Variants in LINGO2 observed in about 807,000 individuals in gnomAD.
LINGO2 encodes leucine-rich repeat and immunoglobulin-like domain-containing nogo receptor-interacting protein 2.
Under a neutral mutation model 30.6 loss-of-function variants are expected in LINGO2, and 14 were observed. That is an observed-to-expected ratio of 0.46 (90% CI 0.30 to 0.72). LINGO2 has a LOEUF of 0.72. Ranked by LOEUF, LINGO2 falls within the 30% of genes least tolerant of loss-of-function variation. The pLI is 0.07. For synonymous variants in LINGO2, 317 were observed against 288.5 expected, an observed-to-expected ratio of 1.10 and a Z score of -1.00; for missense variants, 729 against 751.7, an observed-to-expected ratio of 0.97 and a Z score of 0.35.
intron 5 of LINGO2, among the ~76,000 whole-genome samples, chr9:28,000,737 T>C (rs1013601599): frequency 6.6e-6 from 1 of 152,232 alleles, no homozygotes; most frequent in African/African-American, 2.4e-5. Flanking sequence ...AAGTTGACAA[T>C]AGTTTTTTAT....
chr9:28,778,020 T>C, the LINGO2 span, among the ~76,000 whole-genome samples: 1 of 152,164 alleles, frequency 6.6e-6, no homozygotes, highest in South Asian at 2.1e-4. Flanking sequence ...GCATAGTCCA[T>C]GTGGGTCTTT....
At chr9:28,593,298 A>T (rs1045438304) in intron 1 of LINGO2, among the ~76,000 whole-genome samples, 1 of 152,126 alleles carries the variant, frequency 6.6e-6, no homozygotes, top group African/African-American at 2.4e-5. Context: ...CATGCCATGC[A>T]CATAATTACT....
chr9:29,084,019 A>G, the LINGO2 span, among the ~76,000 whole-genome samples: 3 of 152,090 alleles, frequency 2.0e-5, no homozygotes, highest in Admixed American at 6.6e-5. Flanking sequence ...TTACTCTGGA[A>G]GAATTCAAAT....
rs1278774908 is a variant in LINGO2 at position 28,454,310 on chromosome 9, A to ACAG, written c.-279+21629_-279+21630insCTG. ...GCTAAAATTGTTTTTCAACTTTTGC[A>ACAG]CTTATTTTTAAGCTGTGTCTCTGTT... On this transcript the variant is annotated intron_variant, in intron 2 of 5. Coordinates refer to ENST00000379992, the Ensembl canonical transcript of LINGO2. 1.1e-4 allele frequency among the ~76,000 whole-genome samples: 16 copies of ACAG among 152,040 alleles called. No individual in the cohort carries two copies. In the East Asian group the frequency reaches 3.1e-3, roughly 29 times the overall value.
intron 1 of LINGO2, among the ~76,000 whole-genome samples, chr9:28,631,418 T>C (rs1018561574): frequency 2.6e-5 from 4 of 151,910 alleles, no homozygotes; most frequent in Non-Finnish European, 4.4e-5. Flanking sequence ...TGAATTAATT[T>C]TTGTATAAGG....
At chr9:28,045,495 G>C (rs1165824509) in intron 4 of LINGO2, among the ~76,000 whole-genome samples, 1 of 152,188 alleles carries the variant, frequency 6.6e-6, no homozygotes, top group Non-Finnish European at 1.5e-5. Context: ...CAGGGGAAAA[G>C]TAGAACTCAG....
chr9:29,182,029 T>C, the LINGO2 span, among the ~76,000 whole-genome samples: 2 of 151,980 alleles, frequency 1.3e-5, no homozygotes, highest in African/African-American at 4.8e-5. Flanking sequence ...GCCATGGGGG[T>C]GGCCCTGAGT....
At chr9:28,217,233 T>G (rs1490490189) in intron 4 of LINGO2, among the ~76,000 whole-genome samples, 2 of 151,600 alleles carry the variant, frequency 1.3e-5, no homozygotes, top group Non-Finnish European at 3.0e-5. Context: ...TTACAATACC[T>G]TACTTGGAAT....
At chr9:28,612,024 C>T (rs1184197062) in intron 1 of LINGO2, among the ~76,000 whole-genome samples, 1 of 151,836 alleles carries the variant, frequency 6.6e-6, no homozygotes, top group Non-Finnish European at 1.5e-5. Flanking sequence ...GTTCCTCGGC[C>T]TCCCAAAGTG....
At chr9:28,975,058 T>C in the LINGO2 span, among the ~76,000 whole-genome samples, 16 of 152,218 alleles carry the variant, frequency 1.1e-4, no homozygotes, top group African/African-American at 2.4e-5. Flanking sequence ...AGGACAATTG[T>C]GAAGGCATTA....
At chr9:28,287,441 C>T (rs1823554771) in intron 4 of LINGO2, among the ~76,000 whole-genome samples, 2 of 152,120 alleles carry the variant, frequency 1.3e-5, no homozygotes, top group Admixed American at 6.5e-5. Context: ...TTTTCTATAT[C>T]CTTAAAATAT....
chr9:28,834,064 T>C, the LINGO2 span, among the ~76,000 whole-genome samples: 1 of 152,012 alleles, frequency 6.6e-6, no homozygotes, highest in Non-Finnish European at 1.5e-5. Flanking sequence ...CTAATGTGCC[T>C]ACTCTACTTA....
rs545277305 is a variant in LINGO2, at chr9:28,524,668, G to A, written c.-364-48643C>T. On this transcript the variant is annotated intron_variant, in intron 1 of 5. Transcript: ENST00000379992. The stretch of plus-strand genomic sequence containing the variant: ...CTCGGGAGGCTAAGGCAGGAGAATC[G>A]CCTGAACCCAAGAGGCAGAGGTTGC... Among the ~76,000 whole-genome samples, 149 of 152,206 alleles carry A rather than the reference G, an allele frequency of 9.8e-4. 1 individual carries two copies. Among genetic ancestry groups the A allele is most frequent in the African/African-American group, 3.1e-3 (130 of 41,538 alleles).
chr9:28,971,656 G>T, the LINGO2 span, among the ~76,000 whole-genome samples: 3 of 152,232 alleles, frequency 2.0e-5, no homozygotes, highest in African/African-American at 7.2e-5. Flanking sequence ...GACTTCTAAA[G>T]TTTTTGACTC....
chr9:29,033,747 T>C, the LINGO2 span, among the ~76,000 whole-genome samples: 2 of 151,954 alleles, frequency 1.3e-5, no homozygotes, highest in Non-Finnish European at 2.9e-5. Flanking sequence ...AATGGAAATG[T>C]TATTACTCTA....
chr9:28,284,379 C>A (rs1306890842), intron 4 of LINGO2, among the ~76,000 whole-genome samples: 1 of 152,118 alleles, frequency 6.6e-6, no homozygotes, highest in Non-Finnish European at 1.5e-5. Context: ...TGGACCAACC[C>A]AAAACCAATA....
intron 1 of LINGO2, among the ~76,000 whole-genome samples, chr9:28,598,092 T>C (rs1825277605): frequency 6.6e-6 from 1 of 152,064 alleles, no homozygotes; most frequent in Non-Finnish European, 1.5e-5. Flanking sequence ...AGTCTCTCAG[T>C]TATGAATGAA....
chr9:28,757,423 A>G, the LINGO2 span, among the ~76,000 whole-genome samples: 1 of 151,858 alleles, frequency 6.6e-6, no homozygotes, highest in East Asian at 1.9e-4. Context: ...GGATGGTGTA[A>G]TGTTGAGCAC....
At chr9:28,769,284 T>C in the LINGO2 span, among the ~76,000 whole-genome samples, 3 of 151,090 alleles carry the variant, frequency 2.0e-5, no homozygotes, top group Admixed American at 2.0e-4. Flanking sequence ...ATATATAAAA[T>C]GTGTTCTCTA....
Sources: allele counts gnomAD v4.1 joint callset (sites outside exome capture counted in the v4.1 genomes callset), GRCh38; gene constraint gnomAD v4.1.1; transcripts MANE v1.5; gene names NCBI Gene and HGNC (gene_info 2026-07-23, HGNC 2026-07-21).